Variants in RYR2 observed in about 807,000 individuals in gnomAD.
The protein encoded by RYR2 is cardiac muscle ryanodine receptor-calcium release channel.
A neutral mutation model predicts 601.1 loss-of-function variants in RYR2; 227 were observed. The observed-to-expected ratio is 0.38, with a 90% CI of 0.34 to 0.42. The LOEUF is 0.42. RYR2 is among the 10% of genes least tolerant of loss of function. The pLI is 1.00. For synonymous variants in RYR2, 2,223 were observed against 2,175.1 expected, an observed-to-expected ratio of 1.02 and a Z score of -0.61; for missense variants, 4,646 against 6,156.5, an observed-to-expected ratio of 0.75 and a Z score of 8.21.
intron 6 of RYR2, among the ~76,000 whole-genome samples, chr1:237,372,897 T>C (rs773993863): frequency 6.6e-6 from 1 of 152,224 alleles, no homozygotes; most frequent in Admixed American, 6.5e-5. Flanking sequence ...CTGGATATAG[T>C]AGTGAATAAG....
chr1:237,440,715 T>C (rs1301594422), intron 12 of RYR2, among the ~76,000 whole-genome samples: 1 of 152,200 alleles, frequency 6.6e-6, no homozygotes, highest in Non-Finnish European at 1.5e-5. Context: ...ATAATCATTT[T>C]AATAGGTTCA....
At chr1:237,173,858 C>T (rs1440217163) in intron 1 of RYR2, among the ~76,000 whole-genome samples, 10 of 149,162 alleles carry the variant, frequency 6.7e-5, no homozygotes, top group Non-Finnish European at 1.5e-5. Flanking sequence ...AGATCGAGAC[C>T]ATCCTGGCTA....
At chr1:237,062,086 T>C (rs1260673948) in intron 1 of RYR2, among the ~76,000 whole-genome samples, 6 of 152,228 alleles carry the variant, frequency 3.9e-5, no homozygotes, top group East Asian at 1.9e-4. Flanking sequence ...TTTATTTCAT[T>C]GGTCTATTTG....
intron 1 of RYR2, among the ~76,000 whole-genome samples, chr1:237,113,402 T>C (rs571160413): frequency 6.6e-6 from 1 of 152,078 alleles, no homozygotes; most frequent in South Asian, 2.1e-4. Flanking sequence ...GTTTTCACCA[T>C]GTTGACCAGG....
intron 24 of RYR2, among the ~76,000 whole-genome samples, chr1:237,512,811 C>T (rs1249951191): frequency 1.3e-5 from 2 of 152,114 alleles, no homozygotes; most frequent in African/African-American, 4.8e-5. Flanking sequence ...ATTGAGGCTC[C>T]AGTGAGCTGT....
At chr1:237,559,856 A>C (rs1413787153) in intron 27 of RYR2, among the ~76,000 whole-genome samples, 1 of 152,184 alleles carries the variant, frequency 6.6e-6, no homozygotes, top group Non-Finnish European at 1.5e-5. Context: ...TTTCTAAACT[A>C]GTTTAGTAGA....
chr1:237,318,964 C>T (rs966884695), intron 2 of RYR2, among the ~76,000 whole-genome samples: 6 of 152,036 alleles, frequency 3.9e-5, no homozygotes, highest in South Asian at 2.1e-4. Flanking sequence ...ATGTACTTGA[C>T]GTTATTCCAC....
chr1:237,336,904 C>G (rs1426808458), intron 3 of RYR2, among the ~76,000 whole-genome samples: 1 of 150,992 alleles, frequency 6.6e-6, no homozygotes, highest in South Asian at 2.1e-4. Context: ...ACACTTGTGT[C>G]ATTCTTTTTA....
intron 1 of RYR2, among the ~76,000 whole-genome samples, chr1:237,098,729 A>C (rs966889457): frequency 6.6e-6 from 1 of 152,186 alleles, no homozygotes; most frequent in African/African-American, 2.4e-5. Context: ...AAAAAAGTCA[A>C]ACTCATAGAA....
chr1:237,118,753 A>G (rs1670423394), intron 1 of RYR2, among the ~76,000 whole-genome samples: 1 of 151,972 alleles, frequency 6.6e-6, no homozygotes, highest in Non-Finnish European at 1.5e-5. Flanking sequence ...ACAGGCATGG[A>G]CCACCACGCC....
At chr1:237,117,504 T>C (rs1211252781) in intron 1 of RYR2, among the ~76,000 whole-genome samples, 1 of 152,194 alleles carries the variant, frequency 6.6e-6, no homozygotes, top group Non-Finnish European at 1.5e-5. Flanking sequence ...TCTGGATTCC[T>C]GAAATGAGGC....
chr1:237,156,998 A>C (rs368747526), intron 1 of RYR2, among the ~76,000 whole-genome samples: 55 of 152,262 alleles, frequency 3.6e-4, no homozygotes, highest in African/African-American at 1.1e-3. Context: ...AAAACCAAAA[A>C]TAGAACCACC....
In RYR2 at chr1:237,828,411, G is replaced by T; in HGVS notation, c.14621G>T (p.Arg4874Ile). Residue 4874 changes from arginine (R) to isoleucine (I), a missense_variant, in exon 102 of 105, where the codon AGA (arginine) becomes ATA (isoleucine). Transcript: ENST00000366574. ...ATTATTGATGCTTTTGGAGAACTAA[G>T]AGACCAACAGGAACAAGTCAAAGAA... ...GLIIDAFGEL[R>I]DQQEQVKEDM... is the part of the protein sequence containing the mutation. The T allele has an allele frequency of 6.4e-7, 1 of 1,567,016 alleles. No homozygotes were observed.
intron 16 of RYR2, among the ~76,000 whole-genome samples, chr1:237,465,090 GCACA>G (rs10610645): frequency 0.49 from 73,530 of 150,104 alleles, 18,891 homozygotes; most frequent in East Asian, 0.74. Flanking sequence ...ACACACACAT[GCACA>G]CACACACACA....
At chr1:237,820,534 C>T (rs959723522) in intron 101 of RYR2, among the ~76,000 whole-genome samples, 6 of 152,148 alleles carry the variant, frequency 3.9e-5, no homozygotes, top group African/African-American at 1.2e-4. Context: ...ACCAGCAGAC[C>T]GGGACATTCC....
At chr1:237,541,248 G>A (rs1242088860) in intron 25 of RYR2, among the ~76,000 whole-genome samples, 1 of 152,134 alleles carries the variant, frequency 6.6e-6, no homozygotes, top group Admixed American at 6.5e-5. Flanking sequence ...CCTAATTTAG[G>A]ATTTAAATCC....
rs191821076 is a variant in RYR2 at position 237,082,175 on chromosome 1, G to A, written c.48+39606G>A. On this transcript the variant is annotated intron_variant, in intron 1 of 104. Transcript: ENST00000366574. ...TGGGACAGGTCCTATTGTAAGCAGC[G>A]TTCATGTTATATTAACTTATTGACT... 4.3e-4 allele frequency among the ~76,000 whole-genome samples: 65 copies of A among 152,126 alleles called. No homozygotes were observed. The East Asian group carries it at 8.5e-3, about 20-fold the overall frequency.
chr1:237,696,881 G>T (rs1202151757), intron 63 of RYR2, among the ~76,000 whole-genome samples: 1 of 152,054 alleles, frequency 6.6e-6, no homozygotes, highest in South Asian at 2.1e-4. Flanking sequence ...AACTGATTCC[G>T]TTCCTGCAGT....
chr1:237,281,396 T>A (rs548165398), intron 2 of RYR2, among the ~76,000 whole-genome samples: 2 of 151,764 alleles, frequency 1.3e-5, no homozygotes, highest in East Asian at 3.9e-4. Flanking sequence ...TCATAAGATG[T>A]AGAAAATGAA....
Sources: gnomAD v4.1 joint callset for allele counts (sites outside exome capture counted in the v4.1 genomes callset) on GRCh38, gnomAD v4.1.1 for gene constraint, MANE v1.5 for transcripts, NCBI Gene and HGNC (gene_info 2026-07-23, HGNC 2026-07-21) for gene names.